The following RGS14 variants were observed in gnomAD, a reference collection of about 807,000 sequenced individuals.
The protein encoded by RGS14 is regulator of G-protein signaling 14.
RGS14 carries 33 observed loss-of-function variants against 63.8 expected under a neutral mutation model. The observed-to-expected ratio is 0.52, with a 90% confidence interval of 0.39 to 0.69. The LOEUF is 0.69. Ranked by LOEUF, RGS14 falls within the 30% of genes least tolerant of loss-of-function variation. RGS14 has a pLI of 0.00. For synonymous variants in RGS14, 296 were observed against 320.9 expected, an observed-to-expected ratio of 0.92 and a Z score of 0.83; for missense variants, 739 against 742.9, an observed-to-expected ratio of 0.99 and a Z score of 0.06.
rs1344583041 is a variant in RGS14 at position 177,371,186 on chromosome 5, G to C, written c.1276G>C (p.Asp426His). 1 of 1,613,434 alleles carries C rather than the reference G, an allele frequency of 6.2e-7. No homozygotes were observed. Among genetic ancestry groups the C allele is most frequent in the Non-Finnish European group, 8.5e-7 (1 of 1,179,820 alleles). Residue 426 changes from aspartate (D) to histidine (H), a missense_variant, in exon 12 of 15, where the codon GAT becomes CAT. By Grantham distance (81) the Asp-to-His change is moderately conservative (BLOSUM62 -1). Coordinates refer to ENST00000408923, the MANE Select transcript of RGS14 (RefSeq NM_006480.5). This position sits in a 1 kb window ranked among gnomAD's most constrained non-coding sequence, Gnocchi z 6.1. ...ACAGCCAGGCGAGAAACAGCCTCTG[G>C]ATCTGGGGAAGCTAGTGAGCTCGGT... ...LHRPGEKQPL[D>H]LGKLVSSVAA...
chr5:177,370,704 C>A, intron 10 of RGS14, 40 bp downstream of exon 10: 1 of 1,597,878 alleles, frequency 6.3e-7, no homozygotes, highest in Middle Eastern at 1.7e-4. Context: ...CAGGTCCTGA[C>A]GCTCCCTTCA....
intron 1 of RGS14, among the ~76,000 whole-genome samples, chr5:177,363,236 G>T (rs946126390): frequency 2.0e-5 from 3 of 152,132 alleles, no homozygotes; most frequent in Admixed American, 6.5e-5. Context: ...TGTCGCCGTG[G>T]GAAGCACCGA....
chr5:177,366,015 G>A (rs1002051135), intron 2 of RGS14, 31 bp downstream of exon 2: 16 of 1,612,032 alleles, frequency 9.9e-6, no homozygotes, highest in African/African-American at 2.7e-5. Flanking sequence ...AGAACTGGCT[G>A]AGTGGGAGGG....
chr5:177,372,039 G>T lies in RGS14; in HGVS notation c.1665G>T (p.Gly555=). The change falls in exon 15 of 15, where the codon GGG becomes GGT. Residue 555 remains glycine (G), a synonymous_variant. Transcript: ENST00000408923. ...PQTKSAAQPI[G]GSLNSTTDSA... is the part of the protein sequence containing the mutation. ...CCAAATCAGCAGCCCAGCCCATCGG[G>T]GGATCCTTGAACTCCACCACCGACT... The T allele has an allele frequency of 6.2e-7, 1 of 1,614,094 alleles. No individual in the cohort carries two copies. The highest frequency in any genetic ancestry group is 8.5e-7 in the Non-Finnish European group (1 of 1,179,986).
Position 177,366,004 on chromosome 5 carries a change from G to A in RGS14, c.67+20G>A. 6.2e-7 allele frequency: 1 copy of A among 1,613,608 alleles called. No homozygotes were observed. Among genetic ancestry groups the A allele is most frequent in the Non-Finnish European group, 8.5e-7 (1 of 1,179,484 alleles). On this transcript the variant is annotated intron_variant, in intron 2 of 14. Transcript: ENST00000408923. The stretch of plus-strand genomic sequence containing the variant: ...ATGGAGGTAAGTGACAGAATGTGTG[G>A]AGAACTGGCTGAGTGGGAGGGAGGA...
At position 177,367,966 on chromosome 5, in the gene RGS14, C is replaced by A. The variant is rs1358845052; in HGVS notation, c.739+141C>A. 4 of 1,439,536 alleles carry A rather than the reference C, an allele frequency of 2.8e-6. No individual in the cohort carries two copies. The African/African-American group carries it at 4.3e-5, about 15-fold the overall frequency. The allele number at this position is 1,439,536 out of a possible 1,614,324, so 89.2% of individuals were successfully genotyped here. A position where few individuals can be genotyped will look rare whatever the true frequency, so the allele number is the denominator to read the frequency against. ...CCAGGTCCCAGTGACCACCACACTC[C>A]CCTGGGTGGTTCGGGTCTTGGGCTA... On this transcript the variant is annotated intron_variant, in intron 7 of 14. Coordinates refer to ENST00000408923, the MANE Select transcript of RGS14 (RefSeq NM_006480.5).
chr5:177,358,497 C>G lies in RGS14; in HGVS notation c.45+428C>G, dbSNP rs1291557672. The stretch of plus-strand genomic sequence containing the variant: ...GCCCAAGGTCATGTTAGTGGCAGCT[C>G]TTGCTGGGTCGGTGTCCTCCAGCCG... On this transcript the variant is annotated intron_variant, in intron 1 of 14. Coordinates refer to ENST00000408923, the MANE Select transcript of RGS14 (RefSeq NM_006480.5). The surrounding 1 kb of genome is among the most constrained non-coding windows in gnomAD (Gnocchi z 4.8). 6.6e-6 allele frequency among the ~76,000 whole-genome samples: 1 copy of G among 152,200 alleles called. No individual in the cohort carries two copies. Among genetic ancestry groups the G allele is most frequent in the African/African-American group, 2.4e-5 (1 of 41,440 alleles).
chr5:177,367,563 T>TGGGACTGGGCGA lies in RGS14; in HGVS notation c.627+21_627+32dup, dbSNP rs772101838. 1.2e-5 allele frequency: 20 copies of TGGGACTGGGCGA among 1,605,426 alleles called. No homozygotes were observed. In the East Asian group the frequency reaches 3.6e-4, roughly 29 times the overall value. On this transcript the variant is annotated splice_region_variant and intron_variant, in intron 6 of 14. Transcript: ENST00000408923. ...GCCCTGACGCCACGAGGAAGGTGCG[T>TGGGACTGGGCGA]GGGACTGGGCGAGGGACTGGGCGAG...
chr5:177,367,587 AG>A (rs760894752), intron 6 of RGS14, 30 bp downstream of exon 6: 21 of 1,591,906 alleles, frequency 1.3e-5, no homozygotes, highest in Non-Finnish European at 1.4e-5. Context: ...GGACTGGGCG[AG>A]GCAGGGGGTC....
In RGS14 at chr5:177,371,155, C is replaced by T; in HGVS notation, c.1255-10C>T. On this transcript the variant is annotated splice_polypyrimidine_tract_variant and intron_variant, in intron 11 of 14. Coordinates refer to ENST00000408923, the MANE Select transcript of RGS14 (RefSeq NM_006480.5). The surrounding 1 kb of genome is among the most constrained non-coding windows in gnomAD (Gnocchi z 6.1). Reference sequence around the variant, plus strand: ...GGCCTGTACCGCGGGCTGCTGACCTCTCCCCACAGCCAGGCGAGAAACAGC... The same window carrying T: ...GGCCTGTACCGCGGGCTGCTGACCTTTCCCCACAGCCAGGCGAGAAACAGC... 1.2e-6 allele frequency: 2 copies of T among 1,608,890 alleles called. No homozygotes were observed. Among genetic ancestry groups the T allele is most frequent in the Non-Finnish European group, 1.7e-6 (2 of 1,178,518 alleles).
In RGS14 at chr5:177,364,037, A is replaced by T. The variant is rs919635892; in HGVS notation, c.46-1926A>T. On this transcript the variant is annotated intron_variant, in intron 1 of 14. Transcript: ENST00000408923. This position sits in a 1 kb window ranked among gnomAD's most constrained non-coding sequence, Gnocchi z 4.6. The stretch of plus-strand genomic sequence containing the variant: ...TTTAAATAAAAATAATAATCATCAT[A>T]ATAAAACCTGAGAGGGCCAAGGTAA... Among the ~76,000 whole-genome samples, 2 of 152,208 alleles carry T rather than the reference A, an allele frequency of 1.3e-5. No individual in the cohort carries two copies. The highest frequency in any genetic ancestry group is 1.3e-4 in the Admixed American group (2 of 15,286).
At position 177,366,254 on chromosome 5, in the gene RGS14, G is replaced by T; in HGVS notation, c.145G>T (p.Gly49Cys). 6.3e-7 allele frequency: 1 copy of T among 1,585,130 alleles called. No individual in the cohort carries two copies. Reference protein sequence around the residue: ...SSLSIHSLPSGPSSPFPTEEQ... With the variant: ...SSLSIHSLPSCPSSPFPTEEQ... ...TCTCAGCATCCACAGCCTCCCCAGT[G>T]GTCCCAGCAGCCCCTTCCCAACCGA... Residue 49 changes from glycine (G) to cysteine (C), a missense_variant, in exon 3 of 15, where the codon GGT (glycine) becomes TGT (cysteine). Coordinates refer to ENST00000408923, the MANE Select transcript of RGS14 (RefSeq NM_006480.5).
chr5:177,367,915 G>C (rs1160403387), intron 7 of RGS14, 90 bp downstream of exon 7: 2 of 1,444,822 alleles, frequency 1.4e-6, no homozygotes, highest in Non-Finnish European at 1.8e-6. Flanking sequence ...GTGGCCCACA[G>C]TCTGTAAGTC....
At chr5:177,367,688 TG>T in intron 6 of RGS14, 25 bp from the exon 7 acceptor site, 2 of 1,603,768 alleles carry the variant, frequency 1.2e-6, no homozygotes, top group Non-Finnish European at 1.7e-6. Context: ...CCCAGCCCGG[TG>T]CCAGCGCCTC....
Position 177,367,551 on chromosome 5 carries a change from G to C in RGS14, c.621G>C (p.Thr207=). 6.2e-7 allele frequency: 1 copy of C among 1,609,166 alleles called. No homozygotes were observed. Among genetic ancestry groups the C allele is most frequent in the Non-Finnish European group, 8.5e-7 (1 of 1,177,810 alleles). ...GSSRLGSPDA[T]RKKPKLKPGK... ...CGCGCCTCGGCAGCCCTGACGCCAC[G>C]AGGAAGGTGCGTGGGACTGGGCGAG... The change falls in exon 6 of 15, where the codon ACG becomes ACC. Residue 207 remains threonine (T), a synonymous_variant. Transcript: ENST00000408923.
Position 177,366,807 on chromosome 5 carries a change from G to A in RGS14, c.339+7G>A, listed in dbSNP as rs777102913. ...GGCCAGCGATACCCAGCAGGTGGGG[G>A]AAGGGGGAGCTGGGGCCGAGGGCTG... On this transcript the variant is annotated splice_region_variant and intron_variant, in intron 4 of 14. Coordinates refer to ENST00000408923, the MANE Select transcript of RGS14 (RefSeq NM_006480.5). The A allele has an allele frequency of 1.2e-6, 2 of 1,614,054 alleles. No individual in the cohort carries two copies. Among genetic ancestry groups the A allele is most frequent in the South Asian group, 1.1e-5 (1 of 91,094 alleles).
chr5:177,363,164 G>GA (rs1351666750), intron 1 of RGS14, among the ~76,000 whole-genome samples: 3 of 152,186 alleles, frequency 2.0e-5, no homozygotes, highest in Non-Finnish European at 2.9e-5. Flanking sequence ...GCCGCGCAGG[G>GA]AAAGGCTTCG....
At chr5:177,368,614 C>G (rs117043730) in intron 8 of RGS14, 103 bp from the exon 9 acceptor site, 1 of 1,150,690 alleles carries the variant, frequency 8.7e-7, no homozygotes, top group Non-Finnish European at 1.3e-6. Flanking sequence ...CTTGGGAGTG[C>G]GTGTGCATGC....
At chr5:177,368,288 A>G (rs771165756) in intron 8 of RGS14, 22 bp downstream of exon 8, 2 of 1,599,978 alleles carry the variant, frequency 1.3e-6, no homozygotes, top group Non-Finnish European at 1.7e-6. Flanking sequence ...GTTGGGGAAG[A>G]CAAGATGCTC....
Sources: gnomAD v4.1 joint callset for allele counts (sites outside exome capture counted in the v4.1 genomes callset) on GRCh38, gnomAD v4.1.1 for gene constraint, Gnocchi (gnomAD v3.1) non-coding constraint, MANE v1.5 for transcripts, NCBI Gene and HGNC (gene_info 2026-07-23, HGNC 2026-07-21) for gene names.